FCHSD2: variants seen among roughly 807,000 people sequenced by gnomAD.
FCHSD2 encodes the protein F-BAR and double SH3 domains protein 2.
In FCHSD2, 38 loss-of-function variants were observed where a neutral mutation model predicts 108.1. The ratio of observed to expected loss-of-function variants is 0.35; its 90% CI spans 0.27 to 0.46. The LOEUF is 0.46. Ranked by LOEUF, FCHSD2 falls within the 20% of genes least tolerant of loss-of-function variation. The pLI, the probability that FCHSD2 is intolerant of heterozygous loss-of-function variation, is 1.00. For synonymous variants in FCHSD2, 279 were observed against 314.7 expected (o/e 0.89, Z 1.20); for missense variants, 751 against 897.8 (o/e 0.84, Z 2.09).
chr11:72,969,446 A>T (rs1459600479), intron 8 of FCHSD2, among the ~76,000 whole-genome samples: 1 of 152,238 alleles, frequency 6.6e-6, no homozygotes, highest in Non-Finnish European at 1.5e-5. Context: ...AAAAACACTG[A>T]GAGGGACAGA....
At chr11:72,870,774 C>G (rs187304287) in intron 12 of FCHSD2, among the ~76,000 whole-genome samples, 2 of 151,700 alleles carry the variant, frequency 1.3e-5, no homozygotes, top group Non-Finnish European at 2.9e-5. Context: ...GTGGCGGGTG[C>G]CTGTAGTCCC....
intron 3 of FCHSD2, among the ~76,000 whole-genome samples, chr11:73,028,746 A>G (rs1474197865): frequency 6.6e-6 from 1 of 151,990 alleles, no homozygotes; most frequent in Non-Finnish European, 1.5e-5. Flanking sequence ...GTGGGAGGAG[A>G]TTGGATCATG....
At chr11:72,864,834 C>T (rs1854687553) in intron 13 of FCHSD2, among the ~76,000 whole-genome samples, 1 of 152,170 alleles carries the variant, frequency 6.6e-6, no homozygotes, top group South Asian at 2.1e-4. Flanking sequence ...GGCTGAGTGA[C>T]ACAGGCTGAT....
At chr11:72,944,630 T>C (rs1224250199) in intron 8 of FCHSD2, among the ~76,000 whole-genome samples, 2 of 152,208 alleles carry the variant, frequency 1.3e-5, no homozygotes, top group Admixed American at 6.5e-5. Flanking sequence ...GTAGATGACA[T>C]GATTGTATAT....
intron 8 of FCHSD2, among the ~76,000 whole-genome samples, chr11:72,969,991 T>TATC (rs1187259068): frequency 5.3e-5 from 8 of 152,222 alleles, no homozygotes; most frequent in Non-Finnish European, 1.0e-4. Flanking sequence ...AGTGATGGAA[T>TATC]ATCATCTTTA....
intron 3 of FCHSD2, among the ~76,000 whole-genome samples, chr11:73,025,647 A>G (rs1036863112): frequency 6.6e-6 from 1 of 152,142 alleles, no homozygotes; most frequent in Non-Finnish European, 1.5e-5. Flanking sequence ...TTAAAATAAA[A>G]GTTTAAAAAT....
intron 3 of FCHSD2, among the ~76,000 whole-genome samples, chr11:73,035,484 T>C (rs1447754196): frequency 6.6e-6 from 1 of 152,078 alleles, no homozygotes; most frequent in Admixed American, 6.6e-5. Context: ...CTTGTTTTTA[T>C]CTTGGATGTC....
rs554106361 is a variant in FCHSD2, at chr11:72,882,449, A to G, written c.1146+5021T>C. 2.0e-5 allele frequency among the ~76,000 whole-genome samples: 3 copies of G among 152,270 alleles called. No individual in the cohort carries two copies. The South Asian group carries it at 6.2e-4, about 32-fold the overall frequency. Reference sequence around the variant, plus strand: ...AGAAGAGAGATTGGGGAATAGAAGCAAACAGTTAGATAGATGGGATAAGTT... The same window carrying G: ...AGAAGAGAGATTGGGGAATAGAAGCGAACAGTTAGATAGATGGGATAAGTT... On this transcript the variant is annotated intron_variant, in intron 12 of 19. Coordinates refer to ENST00000409418, the MANE Select transcript of FCHSD2 (RefSeq NM_014824.3).
intron 9 of FCHSD2, among the ~76,000 whole-genome samples, chr11:72,904,628 C>CCA (rs1855591287): frequency 6.6e-6 from 1 of 152,116 alleles, no homozygotes; most frequent in South Asian, 2.1e-4. Flanking sequence ...GAAAATATAT[C>CCA]CATATTACAA....
chr11:72,886,061 A>C (rs745674562), intron 12 of FCHSD2, among the ~76,000 whole-genome samples: 7 of 152,174 alleles, frequency 4.6e-5, no homozygotes, highest in Non-Finnish European at 1.0e-4. Flanking sequence ...CAACCAGTGA[A>C]GCACTTCCTC....
intron 13 of FCHSD2, among the ~76,000 whole-genome samples, chr11:72,864,210 T>G (rs1057217769): frequency 6.6e-6 from 1 of 152,048 alleles, no homozygotes; most frequent in Admixed American, 6.6e-5. Context: ...AGTTTGAAAA[T>G]GTAAGCAATA....
At chr11:73,110,004 T>C (rs1161750603) in intron 2 of FCHSD2, among the ~76,000 whole-genome samples, 1 of 152,218 alleles carries the variant, frequency 6.6e-6, no homozygotes, top group Admixed American at 6.5e-5. Context: ...GATTTGCATA[T>C]GTTGAACCAT....
At position 72,902,154 on chromosome 11, in the gene FCHSD2, C is replaced by T. The variant is rs556121411; in HGVS notation, c.924+389G>A. On this transcript the variant is annotated intron_variant, in intron 10 of 19. Transcript: ENST00000409418. ...CCTCCCAAAGTGCTGAGATTACAAG[C>T]GTGAGCCACAGCGCACGGCCTACTC... 7.2e-5 allele frequency among the ~76,000 whole-genome samples: 11 copies of T among 152,242 alleles called. No homozygotes were observed. The South Asian group carries it at 2.1e-3, about 29-fold the overall frequency.
intron 8 of FCHSD2, among the ~76,000 whole-genome samples, chr11:72,944,300 A>T (rs1029857752): frequency 6.6e-6 from 1 of 152,238 alleles, no homozygotes; most frequent in Non-Finnish European, 1.5e-5. Context: ...GACAAAAACC[A>T]TATGATTATC....
intron 8 of FCHSD2, among the ~76,000 whole-genome samples, chr11:72,978,761 G>T (rs1857156232): frequency 3.3e-5 from 5 of 151,528 alleles, no homozygotes; most frequent in Admixed American, 3.3e-4. Context: ...CTTCTACCAT[G>T]ATTGTAAGTT....
chr11:72,921,000 T>C (rs1010032119), intron 9 of FCHSD2, among the ~76,000 whole-genome samples: 21 of 152,126 alleles, frequency 1.4e-4, no homozygotes, highest in African/African-American at 4.6e-4. Context: ...TTCCTGTCTT[T>C]GGACACTGTC....
intron 2 of FCHSD2, among the ~76,000 whole-genome samples, chr11:73,121,381 A>C (rs894477793): frequency 6.6e-6 from 1 of 152,142 alleles, no homozygotes; most frequent in African/African-American, 2.4e-5. Flanking sequence ...GACACTTAAA[A>C]AGGAAAAAGA....
At position 72,841,568 on chromosome 11, in the gene FCHSD2, T is replaced by C; in HGVS notation, c.1942A>G (p.Lys648Glu). The C allele has an allele frequency of 6.2e-7, 1 of 1,607,560 alleles. No homozygotes were observed. The highest frequency in any genetic ancestry group is 8.5e-7 in the Non-Finnish European group (1 of 1,177,450). ...AGTGGAGGCAGGGAGGCGTGTGGCTTGGGGGAAGGAGAGATCTGCAGCAAA... is the reference window on the plus strand; with the variant it reads ...AGTGGAGGCAGGGAGGCGTGTGGCTCGGGGGAAGGAGAGATCTGCAGCAAA... Reference protein sequence around the residue: ...MREIQISPSPKPHASLPPLPL... With the variant: ...MREIQISPSPEPHASLPPLPL... The change falls in exon 18 of 20, where the codon AAG (lysine) becomes GAG (glutamate). Residue 648 changes from lysine (K) to glutamate (E), a missense_variant. Physicochemically the swap from Lys to Glu is moderately conservative, Grantham distance 56. Transcript: ENST00000409418.
intron 3 of FCHSD2, among the ~76,000 whole-genome samples, chr11:73,064,510 T>C (rs1859243610): frequency 6.6e-6 from 1 of 152,040 alleles, no homozygotes; most frequent in African/African-American, 2.4e-5. Context: ...GGAGCAGTTT[T>C]TTTGAGAAGA....
Sources: gnomAD v4.1 joint callset for allele counts (sites outside exome capture counted in the v4.1 genomes callset) on GRCh38, gnomAD v4.1.1 for gene constraint, MANE v1.5 for transcripts, NCBI Gene and HGNC (gene_info 2026-07-23, HGNC 2026-07-21) for gene names.